Variants in BBS9 observed in about 807,000 individuals in gnomAD.
BBS9 encodes the protein Bardet-Biedl syndrome 9, also known as protein PTHB1.
Under a neutral mutation model 117.7 loss-of-function variants are expected in BBS9, and 89 were observed. That is an observed-to-expected ratio of 0.76 (90% confidence interval 0.64 to 0.90). BBS9 has a LOEUF of 0.90. BBS9 is among the 40% of genes least tolerant of loss of function. The probability of loss-of-function intolerance (pLI) is 0.00; values close to 1 mark genes in which losing one functional copy is unlikely to be tolerated. For missense variants in BBS9, 982 were observed against 1,042.2 expected (o/e 0.94, Z 0.80); for synonymous variants, 379 against 370.9 (o/e 1.02, Z -0.25).
chr7:33,509,360 T>G (rs1291021602), intron 20 of BBS9, among the ~76,000 whole-genome samples: 1 of 152,200 alleles, frequency 6.6e-6, no homozygotes, highest in Non-Finnish European at 1.5e-5. Flanking sequence ...ATAAATGTTA[T>G]GTGATGGGTA....
At chr7:33,173,455 C>G (rs989159066) in intron 4 of BBS9, among the ~76,000 whole-genome samples, 3 of 151,620 alleles carry the variant, frequency 2.0e-5, no homozygotes, top group Non-Finnish European at 2.9e-5. Flanking sequence ...GTGGCAGGTC[C>G]CAGCTACTCG....
intron 19 of BBS9, among the ~76,000 whole-genome samples, chr7:33,398,486 A>G (rs867019958): frequency 2.0e-4 from 30 of 152,342 alleles, no homozygotes; most frequent in Non-Finnish European, 3.5e-4. Context: ...AACAAGAGCA[A>G]TATACAAAGC....
intron 9 of BBS9, among the ~76,000 whole-genome samples, chr7:33,329,653 A>G (rs1215880498): frequency 1.3e-5 from 2 of 152,154 alleles, no homozygotes; most frequent in African/African-American, 4.8e-5. Context: ...TGCATAAAAG[A>G]CAATAGTATT....
chr7:33,143,618 T>G (rs948425326), intron 1 of BBS9, among the ~76,000 whole-genome samples: 1 of 151,888 alleles, frequency 6.6e-6, no homozygotes, highest in African/African-American at 2.4e-5. Flanking sequence ...CAGGCTGGAG[T>G]ACAGTGGCAT....
chr7:33,290,639 T>A lies in BBS9; in HGVS notation c.1016+16683T>A, dbSNP rs1323057949. Among the ~76,000 whole-genome samples the A allele has an allele frequency of 2.6e-5, 4 of 152,248 alleles. No individual in the cohort carries two copies. In the East Asian group the frequency reaches 7.7e-4, roughly 29 times the overall value. ...CAGAACGATTTGGTCTTTAAATTTT[T>A]AAAAAATTTTTTAGTGTGTGTAGCA... On this transcript the variant is annotated intron_variant, in intron 9 of 22. Coordinates refer to ENST00000242067, the MANE Select transcript of BBS9 (RefSeq NM_198428.3).
intron 5 of BBS9, among the ~76,000 whole-genome samples, chr7:33,256,499 T>A (rs889878707): frequency 2.0e-5 from 3 of 152,178 alleles, no homozygotes; most frequent in African/African-American, 7.2e-5. Context: ...TCTTTTTTTT[T>A]AGCCTCTTTT....
chr7:33,528,528 A>T (rs1171547262), intron 20 of BBS9, among the ~76,000 whole-genome samples: 3 of 152,140 alleles, frequency 2.0e-5, no homozygotes, highest in Admixed American at 2.0e-4. Flanking sequence ...TAAGGATATT[A>T]CTTGGAAATT....
intron 21 of BBS9, among the ~76,000 whole-genome samples, chr7:33,624,776 A>G (rs1364297799): frequency 2.0e-5 from 3 of 152,216 alleles, no homozygotes; most frequent in Non-Finnish European, 4.4e-5. Context: ...AGGGGGCACT[A>G]TTAATAATTA....
At chr7:33,134,364 C>T (rs1790135655) in intron 1 of BBS9, among the ~76,000 whole-genome samples, 1 of 151,512 alleles carries the variant, frequency 6.6e-6, no homozygotes, top group Admixed American at 6.6e-5. Context: ...TGCGCCTGGC[C>T]TTGAGCATCT....
chr7:33,632,738 T>G (rs1865953494), intron 21 of BBS9, among the ~76,000 whole-genome samples: 1 of 151,894 alleles, frequency 6.6e-6, no homozygotes, highest in Admixed American at 6.5e-5. Flanking sequence ...GGCCTCCGTG[T>G]GTTGGCTTTA....
chr7:33,457,697 G>A (rs768238081), intron 19 of BBS9, among the ~76,000 whole-genome samples: 22 of 152,100 alleles, frequency 1.4e-4, no homozygotes, highest in Non-Finnish European at 2.5e-4. Flanking sequence ...TTGAACTCAA[G>A]GTTAGTTTGT....
At chr7:33,584,683 A>C (rs1860585920) in intron 21 of BBS9, among the ~76,000 whole-genome samples, 1 of 152,094 alleles carries the variant, frequency 6.6e-6, no homozygotes, top group African/African-American at 2.4e-5. Flanking sequence ...TAAAAATATG[A>C]TTCTGAGTTT....
At chr7:33,312,880 G>A (rs1242990645) in intron 9 of BBS9, among the ~76,000 whole-genome samples, 2 of 152,056 alleles carry the variant, frequency 1.3e-5, no homozygotes, top group Admixed American at 6.6e-5. Flanking sequence ...AAATTTGAAT[G>A]AACTTTTTCA....
At chr7:33,160,487 A>G (rs1794684658) in intron 4 of BBS9, among the ~76,000 whole-genome samples, 1 of 152,178 alleles carries the variant, frequency 6.6e-6, no homozygotes, top group Non-Finnish European at 1.5e-5. Flanking sequence ...AATACACACA[A>G]TAGACCCTCT....
chr7:33,520,815 G>A (rs969465734), intron 20 of BBS9, among the ~76,000 whole-genome samples: 4 of 152,142 alleles, frequency 2.6e-5, no homozygotes, highest in African/African-American at 9.7e-5. Context: ...TTGTCCCCTG[G>A]CTCTTGACCT....
At chr7:33,467,384 A>G (rs1316080944) in intron 19 of BBS9, among the ~76,000 whole-genome samples, 1 of 152,124 alleles carries the variant, frequency 6.6e-6, no homozygotes, top group Non-Finnish European at 1.5e-5. Context: ...TGTTATCTCC[A>G]TCGATTTTCT....
Position 33,161,949 on chromosome 7 carries a change from C to G in BBS9, c.328+6247C>G, listed in dbSNP as rs183585085. On this transcript the variant is annotated intron_variant, in intron 4 of 22. Coordinates refer to ENST00000242067, the MANE Select transcript of BBS9 (RefSeq NM_198428.3). ...GAGAAGTGTCTGTTCATATCCTTTGCCCACTTGTTGATGGAATTGTTTGTT... is the reference window on the plus strand; with the variant it reads ...GAGAAGTGTCTGTTCATATCCTTTGGCCACTTGTTGATGGAATTGTTTGTT... Among the ~76,000 whole-genome samples, 318 of 152,268 alleles carry G rather than the reference C, an allele frequency of 2.1e-3. 3 individuals are homozygous for G. The highest frequency in any genetic ancestry group is 0.015 in the Admixed American group (229 of 15,280).
At chr7:33,383,641 T>G (rs1825481637) in intron 17 of BBS9, 25 bp from the exon 18 acceptor site, 4 of 1,582,608 alleles carry the variant, frequency 2.5e-6, no homozygotes, top group Non-Finnish European at 3.4e-6. Flanking sequence ...TTACTAAGCA[T>G]TTTTCCTTAA....
chr7:33,553,022 A>T (rs1012009421), intron 21 of BBS9, among the ~76,000 whole-genome samples: 1 of 152,072 alleles, frequency 6.6e-6, no homozygotes, highest in African/African-American at 2.4e-5. Context: ...GGTTTTGCAT[A>T]TGCTGTTCAC....
Sources: gnomAD v4.1 joint callset for allele counts (sites outside exome capture counted in the v4.1 genomes callset) on GRCh38, gnomAD v4.1.1 for gene constraint, MANE v1.5 for transcripts, NCBI Gene and HGNC (gene_info 2026-07-23, HGNC 2026-07-21) for gene names.